ADAMTS13: variants seen among roughly 807,000 people sequenced by gnomAD.
ADAMTS13 encodes ADAM metallopeptidase with thrombospondin type 1 motif 13, also known as A disintegrin and metalloproteinase with thrombospondin motifs 13.
Under a neutral mutation model 155.1 loss-of-function variants are expected in ADAMTS13, and 110 were observed. That is an observed-to-expected ratio of 0.71 (90% CI 0.61 to 0.83). The LOEUF is 0.83. Ranked by LOEUF, ADAMTS13 falls within the 40% of genes least tolerant of loss-of-function variation. ADAMTS13 has a pLI of 0.00. For missense variants in ADAMTS13, 1,707 were observed against 1,891.7 expected, an observed-to-expected ratio of 0.90 and a Z score of 1.81; for synonymous variants, 758 against 756.4, an observed-to-expected ratio of 1.00 and a Z score of -0.03.
Position 133,425,715 on chromosome 9 carries a change from T to C in ADAMTS13, c.414+103T>C. 1 of 1,438,226 alleles carries C rather than the reference T, an allele frequency of 7.0e-7. No homozygotes were observed. The highest frequency in any genetic ancestry group is 9.6e-7 in the Non-Finnish European group (1 of 1,046,270). 89.1% of individuals were successfully genotyped at this position (1,438,226 alleles called of 1,614,324 possible). A position where few individuals can be genotyped will look rare whatever the true frequency, so the allele number is the denominator to read the frequency against. On this transcript the variant is annotated intron_variant, in intron 4 of 28. Transcript: ENST00000355699. The surrounding 1 kb of genome is among the most constrained non-coding windows in gnomAD (Gnocchi z 4.6). ...CTTGTCCCGGATGCCCCAAGCAGCA[T>C]GGATCACAGAATGCATTCAGCCAGA...
At chr9:133,420,403 A>G (rs1268826018), upstream of ADAMTS13, among the ~76,000 whole-genome samples, 11 of 152,368 alleles carry the variant, frequency 7.2e-5, no homozygotes, top group East Asian at 2.1e-3. Context: ...AGCAGTTTGT[A>G]AACCAGGGCA....
Position 133,440,682 on chromosome 9 carries a change from A to C in ADAMTS13, c.1968+157A>C, listed in dbSNP as rs1841606898. ...CTATGTGTTGGGCCCTGTGCTAGGCAAAATGTAGCTAGCTCCTCCAGGGGC... is the reference window on the plus strand; with the variant it reads ...CTATGTGTTGGGCCCTGTGCTAGGCCAAATGTAGCTAGCTCCTCCAGGGGC... On this transcript the variant is annotated intron_variant, in intron 16 of 28. Transcript: ENST00000355699. The surrounding 1 kb of genome is among the most constrained non-coding windows in gnomAD (Gnocchi z 4.3). Among the ~76,000 whole-genome samples, 1 of 152,144 alleles carries C rather than the reference A, an allele frequency of 6.6e-6. No homozygotes were observed. Among genetic ancestry groups the C allele is most frequent in the Admixed American group, 6.5e-5 (1 of 15,278 alleles).
chr9:133,453,191 C>G (rs1842541527), intron 23 of ADAMTS13, among the ~76,000 whole-genome samples: 1 of 152,158 alleles, frequency 6.6e-6, no homozygotes. Context: ...AATCCCAGCA[C>G]TTTGGGAGGC....
At chr9:133,418,719 G>A (rs973727543), upstream of ADAMTS13, among the ~76,000 whole-genome samples, 2 of 152,206 alleles carry the variant, frequency 1.3e-5, no homozygotes, top group Admixed American at 6.5e-5. Context: ...ACAGGACAGG[G>A]ATTTTCACAA....
chr9:133,431,547 C>T (rs1193514172), intron 8 of ADAMTS13, among the ~76,000 whole-genome samples: 5 of 151,918 alleles, frequency 3.3e-5, no homozygotes, highest in African/African-American at 1.2e-4. Context: ...GGGCTGGTCT[C>T]GAATTCTGAC....
At chr9:133,436,213 C>T (rs1554788948) in intron 11 of ADAMTS13, among the ~76,000 whole-genome samples, 2 of 151,694 alleles carry the variant, frequency 1.3e-5, no homozygotes, top group African/African-American at 4.8e-5. Flanking sequence ...CTTCGATGGC[C>T]CTGGGTGTGG....
intron 6 of ADAMTS13, among the ~76,000 whole-genome samples, chr9:133,427,406 T>G (rs1168686365): frequency 6.6e-6 from 1 of 152,206 alleles, no homozygotes; most frequent in Non-Finnish European, 1.5e-5. Flanking sequence ...GTGCAGAGAT[T>G]TCTAAAGTAA....
At position 133,445,645 on chromosome 9, in the gene ADAMTS13, C is replaced by A. The variant is rs949506983; in HGVS notation, c.2611-54C>A. 6.2e-7 allele frequency: 1 copy of A among 1,611,520 alleles called. No homozygotes were observed. The highest frequency in any genetic ancestry group is 8.5e-7 in the Non-Finnish European group (1 of 1,179,662). On this transcript the variant is annotated intron_variant, in intron 20 of 28. Transcript: ENST00000355699. This position sits in a 1 kb window ranked among gnomAD's most constrained non-coding sequence, Gnocchi z 5.0. ...TGCCTGAGAAGATCGAGACGGGGAT[C>A]GCTGGGTCCTCAGAGGAGGCCCAGA... is the stretch of plus-strand genomic sequence containing the variant.
Position 133,454,399 on chromosome 9 carries a change from T to C in ADAMTS13, c.3045-16T>C. 3 of 1,613,540 alleles carry C rather than the reference T, an allele frequency of 1.9e-6. No homozygotes were observed. The East Asian group carries it at 6.7e-5, about 36-fold the overall frequency. On this transcript the variant is annotated splice_polypyrimidine_tract_variant and intron_variant, in intron 23 of 28. Coordinates refer to ENST00000355699, the MANE Select transcript of ADAMTS13 (RefSeq NM_139027.6). The stretch of plus-strand genomic sequence containing the variant: ...GGGGAGACCTAGCCTCTCTCTGGGG[T>C]CTTCTCTTCCTGCAGGTGGAAAGTC...
intron 23 of ADAMTS13, among the ~76,000 whole-genome samples, chr9:133,453,101 A>T (rs1029229162): frequency 2.6e-5 from 4 of 151,868 alleles, no homozygotes; most frequent in African/African-American, 9.7e-5. Context: ...CAGGAGTTCT[A>T]GACCAGCCTG....
upstream of ADAMTS13, chr9:133,418,150 C>G (rs1026825652): frequency 7.1e-6 from 3 of 424,228 alleles, no homozygotes; most frequent in South Asian, 6.2e-5. Context: ...CCAGCGGCAT[C>G]CGGGGTCATC....
chr9:133,430,291 C>T, intron 8 of ADAMTS13, 190 bp downstream of exon 8: 1 of 844,048 alleles, frequency 1.2e-6, no homozygotes, highest in Admixed American at 2.0e-5. Flanking sequence ...ACAAAAGCTC[C>T]AACATTTTTG....
chr9:133,439,256 C>T (rs1276205545), intron 14 of ADAMTS13, 110 bp from the exon 15 acceptor site: 20 of 866,836 alleles, frequency 2.3e-5, no homozygotes, highest in East Asian at 2.2e-4. Flanking sequence ...CTGCTGGAGC[C>T]AGCCCCATGG....
In ADAMTS13 at chr9:133,444,913, T is replaced by G; in HGVS notation, c.2471T>G (p.Leu824Arg). The change falls in exon 20 of 29, where the codon CTG becomes CGG. Residue 824 changes from leucine to arginine, a missense_variant. Coordinates refer to ENST00000355699, the MANE Select transcript of ADAMTS13 (RefSeq NM_139027.6). Reference sequence around the variant, plus strand: ...TGCACATCAGCTGGTGGAGCAGGCCTGGCCTTGGAGAACGAGACCTGTGTG... The same window carrying G: ...TGCACATCAGCTGGTGGAGCAGGCCGGGCCTTGGAGAACGAGACCTGTGTG... ...SSCTSAGGAG[L>R]ALENETCVPG... 1 of 1,613,386 alleles carries G rather than the reference T, an allele frequency of 6.2e-7. No individual in the cohort carries two copies.
In ADAMTS13 at chr9:133,426,185, T is replaced by C; in HGVS notation, c.540-14T>C. On this transcript the variant is annotated splice_polypyrimidine_tract_variant and intron_variant, in intron 5 of 28. Coordinates refer to ENST00000355699, the MANE Select transcript of ADAMTS13 (RefSeq NM_139027.6). Reference sequence around the variant, plus strand: ...GCCTTGGCACCACCCAAGTGACTGTTTTCTCTCACCGAGGTTTGACCTGGA... The same window carrying C: ...GCCTTGGCACCACCCAAGTGACTGTCTTCTCTCACCGAGGTTTGACCTGGA... 1.9e-6 allele frequency: 3 copies of C among 1,613,988 alleles called. No individual in the cohort carries two copies. The highest frequency in any genetic ancestry group is 1.7e-6 in the Non-Finnish European group (2 of 1,180,026).
At chr9:133,448,210 G>A (rs868393838) in intron 21 of ADAMTS13, among the ~76,000 whole-genome samples, 2 of 151,252 alleles carry the variant, frequency 1.3e-5, no homozygotes, top group African/African-American at 2.4e-5. Context: ...GGCTCGTCTC[G>A]AACTCCTGAC....
At position 133,456,157 on chromosome 9, in the gene ADAMTS13, G is replaced by T; in HGVS notation, c.3489G>T (p.Arg1163=). ...GQADCAVAIG[R]PLGEVVTLRV... is the part of the protein sequence containing the mutation. Reference sequence around the variant, plus strand: ...CAGACTGTGCAGTGGCCATTGGGCGGCCCCTCGGGGAGGTGGTGACCCTCC... The same window carrying T: ...CAGACTGTGCAGTGGCCATTGGGCGTCCCCTCGGGGAGGTGGTGACCCTCC... The change falls in exon 26 of 29, where the codon CGG becomes CGT. Residue 1163 remains arginine, a synonymous_variant. Coordinates refer to ENST00000355699, the MANE Select transcript of ADAMTS13 (RefSeq NM_139027.6). The surrounding 1 kb of genome is among the most constrained non-coding windows in gnomAD (Gnocchi z 4.4). 1 of 1,613,572 alleles carries T rather than the reference G, an allele frequency of 6.2e-7. No homozygotes were observed. The highest frequency in any genetic ancestry group is 1.7e-5 in the Admixed American group (1 of 60,034).
chr9:133,436,603 G>A lies in ADAMTS13; in HGVS notation c.1309-226G>A, dbSNP rs587681864. Among the ~76,000 whole-genome samples, 126 of 152,240 alleles carry A rather than the reference G, an allele frequency of 8.3e-4. No homozygotes were observed. Among genetic ancestry groups the A allele is most frequent in the Middle Eastern group, 3.4e-3 (1 of 294 alleles). ...ATGCTCTTTCCTGGCTTTCTTCTTC[G>A]TTGCTGCCCTGTGTTCTTTACGGAT... On this transcript the variant is annotated intron_variant, in intron 11 of 28. Coordinates refer to ENST00000355699, the MANE Select transcript of ADAMTS13 (RefSeq NM_139027.6).
chr9:133,425,882 T>C lies in ADAMTS13; in HGVS notation c.415-56T>C. The C allele has an allele frequency of 6.2e-7, 1 of 1,609,444 alleles. No individual in the cohort carries two copies. The highest frequency in any genetic ancestry group is 2.2e-5 in the East Asian group (1 of 44,840). Reference sequence around the variant, plus strand: ...TAACTGGGAAACAAACCGACCGCAGTCAGCACCGTGCCTGGTTGGGGTGTC... The same window carrying C: ...TAACTGGGAAACAAACCGACCGCAGCCAGCACCGTGCCTGGTTGGGGTGTC... On this transcript the variant is annotated intron_variant, in intron 4 of 28. Coordinates refer to ENST00000355699, the MANE Select transcript of ADAMTS13 (RefSeq NM_139027.6). This position sits in a 1 kb window ranked among gnomAD's most constrained non-coding sequence, Gnocchi z 4.6.
Sources: allele counts gnomAD v4.1 joint callset (sites outside exome capture counted in the v4.1 genomes callset), GRCh38; gene constraint gnomAD v4.1.1; non-coding constraint Gnocchi (gnomAD v3.1); transcripts MANE v1.5; gene names NCBI Gene and HGNC (gene_info 2026-07-23, HGNC 2026-07-21).